RGS7: variants seen among roughly 807,000 people sequenced by gnomAD.
RGS7 encodes regulator of G-protein signaling 7.
Under a neutral mutation model 81.1 loss-of-function variants are expected in RGS7, and 27 were observed. The observed-to-expected ratio is 0.33, with a 90% CI of 0.25 to 0.46. The LOEUF is 0.46. RGS7 is among the 20% of genes least tolerant of loss of function. The probability of loss-of-function intolerance (pLI) is 1.00; values close to 1 mark genes in which losing one functional copy is unlikely to be tolerated. For missense variants in RGS7, 396 were observed against 607.4 expected (o/e 0.65, Z 3.66); for synonymous variants, 208 against 207.7 (o/e 1.00, Z -0.01).
At chr1:241,198,612 T>G (rs1251917721) in intron 2 of RGS7, among the ~76,000 whole-genome samples, 1 of 145,998 alleles carries the variant, frequency 6.8e-6, no homozygotes, top group Non-Finnish European at 1.5e-5. Flanking sequence ...ACAAGCTAAC[T>G]AAACTGACAC....
At chr1:241,281,512 A>G (rs1420269345) in intron 2 of RGS7, among the ~76,000 whole-genome samples, 1 of 152,208 alleles carries the variant, frequency 6.6e-6, no homozygotes, top group Non-Finnish European at 1.5e-5. Context: ...TGGGACCCAC[A>G]TGAAATATCA....
At chr1:241,270,916 G>GC (rs11437382) in intron 2 of RGS7, among the ~76,000 whole-genome samples, 152,062 of 152,074 alleles carry the variant, frequency 1, 76,025 homozygotes, top group East Asian at 1. Context: ...CCACCACCAC[G>GC]CCCGCTAATT....
intron 2 of RGS7, among the ~76,000 whole-genome samples, chr1:241,310,409 CTGTG>C (rs776985710): frequency 8.9e-5 from 13 of 146,830 alleles, no homozygotes; most frequent in South Asian, 2.2e-4. Context: ...GTTTGTGTGT[CTGTG>C]TGTGTGAGAG....
At chr1:240,927,354 C>G (rs949747725) in intron 6 of RGS7, among the ~76,000 whole-genome samples, 1 of 152,170 alleles carries the variant, frequency 6.6e-6, no homozygotes, top group African/African-American at 2.4e-5. Flanking sequence ...CGTGAGCCAC[C>G]GCGCACAGCC....
At chr1:241,267,394 A>T (rs2077648181) in intron 2 of RGS7, among the ~76,000 whole-genome samples, 1 of 152,160 alleles carries the variant, frequency 6.6e-6, no homozygotes, top group South Asian at 2.1e-4. Flanking sequence ...GCTGGAGCCC[A>T]TTCCTATTTC....
At chr1:240,866,448 TTGCAGTGAGCTGAGATTGAGCCAC>T (rs990630091) in intron 9 of RGS7, among the ~76,000 whole-genome samples, 1 of 151,742 alleles carries the variant, frequency 6.6e-6, no homozygotes, top group African/African-American at 2.4e-5. Flanking sequence ...GAGGCGGAGC[TTGCAGTGAGCTGAGATTGAGCCAC>T]TGCACTCCAG....
In RGS7 at chr1:241,061,859, T is replaced by C. The variant is rs112080616; in HGVS notation, c.175+36807A>G. Among the ~76,000 whole-genome samples the C allele has an allele frequency of 6.3e-4, 96 of 152,308 alleles. 1 individual carries two copies. In the Middle Eastern group the frequency reaches 0.01, roughly 16 times the overall value. On this transcript the variant is annotated intron_variant, in intron 3 of 18. Coordinates refer to ENST00000440928, the MANE Select transcript of RGS7 (RefSeq NM_001364886.1). Reference sequence around the variant, plus strand: ...CCTATTATCTATTACATCTGCCCCATTGAACCTTGACTCTGTGAAATTCTG... The same window carrying C: ...CCTATTATCTATTACATCTGCCCCACTGAACCTTGACTCTGTGAAATTCTG...
At chr1:241,198,625 G>T (rs114153478) in intron 2 of RGS7, among the ~76,000 whole-genome samples, 425 of 138,804 alleles carry the variant, frequency 3.1e-3, no homozygotes, top group Non-Finnish European at 5.1e-3. Flanking sequence ...ACTGACACAA[G>T]AAAACGTATC....
intron 2 of RGS7, among the ~76,000 whole-genome samples, chr1:241,199,843 ACTG>A (rs1303151191): frequency 1.3e-5 from 2 of 152,190 alleles, no homozygotes; most frequent in Non-Finnish European, 2.9e-5. Context: ...CAGAAAAACT[ACTG>A]CTATCATCAC....
chr1:240,825,350 T>C (rs1190094475), intron 10 of RGS7, among the ~76,000 whole-genome samples: 1 of 152,238 alleles, frequency 6.6e-6, no homozygotes, highest in Non-Finnish European at 1.5e-5. Flanking sequence ...GTATGTGGCT[T>C]GGAGTCGGAT....
At chr1:240,930,307 G>C (rs962691950) in intron 6 of RGS7, among the ~76,000 whole-genome samples, 5 of 141,352 alleles carry the variant, frequency 3.5e-5, no homozygotes, top group African/African-American at 1.3e-4. Context: ...ATACTTCACA[G>C]AACAGTGAGA....
chr1:241,219,920 C>G (rs145608980), intron 2 of RGS7, among the ~76,000 whole-genome samples: 135 of 152,282 alleles, frequency 8.9e-4, no homozygotes, highest in African/African-American at 3.1e-3. Flanking sequence ...AAGCAGATGG[C>G]TTGCTTTGGG....
At chr1:240,862,746 G>C (rs1008433165) in intron 9 of RGS7, among the ~76,000 whole-genome samples, 1 of 152,064 alleles carries the variant, frequency 6.6e-6, no homozygotes, top group Non-Finnish European at 1.5e-5. Flanking sequence ...CAGTTAGATC[G>C]TGTCACAGAT....
At chr1:240,893,317 T>A (rs1553339923) in intron 6 of RGS7, among the ~76,000 whole-genome samples, 1 of 152,216 alleles carries the variant, frequency 6.6e-6, no homozygotes, top group African/African-American at 2.4e-5. Flanking sequence ...AATCCATTAA[T>A]AATGAATAGT....
At chr1:241,035,026 T>C (rs967889068) in intron 3 of RGS7, among the ~76,000 whole-genome samples, 9 of 152,128 alleles carry the variant, frequency 5.9e-5, no homozygotes, top group Non-Finnish European at 1.3e-4. Flanking sequence ...GAGAAAGCAC[T>C]GAACAGGAGA....
At chr1:241,151,802 A>T (rs139539375) in intron 2 of RGS7, among the ~76,000 whole-genome samples, 51 of 152,272 alleles carry the variant, frequency 3.3e-4, no homozygotes, top group African/African-American at 1.2e-3. Context: ...TAGAAGAGCC[A>T]GGAAAATATG....
intron 2 of RGS7, among the ~76,000 whole-genome samples, chr1:241,126,305 A>G (rs896592093): frequency 1.3e-5 from 2 of 151,938 alleles, no homozygotes; most frequent in Non-Finnish European, 2.9e-5. Flanking sequence ...ATGCGCAACC[A>G]CACCCGGCTA....
intron 2 of RGS7, among the ~76,000 whole-genome samples, chr1:241,135,980 G>C (rs1225703154): frequency 1.3e-5 from 2 of 149,792 alleles, no homozygotes; most frequent in Non-Finnish European, 3.0e-5. Context: ...AAAAAAACTA[G>C]TTTGTTATTC....
chr1:240,983,267 C>T (rs936711310), intron 3 of RGS7, 138 bp from the exon 4 acceptor site: 14 of 521,264 alleles, frequency 2.7e-5, no homozygotes, highest in Non-Finnish European at 4.4e-5. Flanking sequence ...AAGGATCTAC[C>T]CCAGATGGAA....
Sources: allele counts gnomAD v4.1 joint callset (sites outside exome capture counted in the v4.1 genomes callset), GRCh38; gene constraint gnomAD v4.1.1; transcripts MANE v1.5; gene names NCBI Gene and HGNC (gene_info 2026-07-23, HGNC 2026-07-21).